ZC3H13: variants seen among roughly 807,000 people sequenced by gnomAD.
ZC3H13 encodes the protein zinc finger CCCH-type containing 13.
In ZC3H13, 64 loss-of-function variants were observed where a neutral mutation model predicts 204.1. The observed-to-expected ratio is 0.31, with a 90% CI of 0.26 to 0.39. ZC3H13 has a LOEUF of 0.39. Ranked by LOEUF, ZC3H13 falls within the 10% of genes least tolerant of loss-of-function variation. ZC3H13 has a pLI of 1.00. For synonymous variants in ZC3H13, 667 were observed against 693.7 expected (o/e 0.96, Z 0.60); for missense variants, 1,833 against 2,082.7 (o/e 0.88, Z 2.33).
chr13:46,036,641 C>A (rs1593785756), intron 4 of ZC3H13, among the ~76,000 whole-genome samples: 1 of 152,000 alleles, frequency 6.6e-6, no homozygotes, highest in South Asian at 2.1e-4. Flanking sequence ...ATTAAAATAA[C>A]AGGTAAAGAA....
At chr13:45,976,180 A>C (rs1953032471) in intron 11 of ZC3H13, 1 of 980,326 alleles carries the variant, frequency 1.0e-6, no homozygotes, top group African/African-American at 1.8e-5. Flanking sequence ...TCTACCCTTC[A>C]CCTCTGATCT....
intron 8 of ZC3H13, among the ~76,000 whole-genome samples, chr13:46,002,749 T>G (rs984420817): frequency 6.6e-6 from 1 of 152,076 alleles, no homozygotes; most frequent in Non-Finnish European, 1.5e-5. Context: ...AGGATGATAG[T>G]TAACAGGAGC....
chr13:46,048,458 G>A (rs992957365), intron 1 of ZC3H13, among the ~76,000 whole-genome samples: 5 of 151,898 alleles, frequency 3.3e-5, no homozygotes, highest in Admixed American at 3.3e-4. Flanking sequence ...GCAGGCGCCT[G>A]TAGTCCCAGC....
At chr13:46,017,974 G>C (rs1420792109) in intron 5 of ZC3H13, among the ~76,000 whole-genome samples, 1 of 151,940 alleles carries the variant, frequency 6.6e-6, no homozygotes, top group Non-Finnish European at 1.5e-5. Context: ...TATATAAAAG[G>C]CTCTTGAAAT....
Position 46,011,400 on chromosome 13 carries a change from C to A in ZC3H13, c.588+15G>T. ...CTATTAAGTACTAACATATTTATTG[C>A]AATAAATAGCATACCTCCTTTTTAA... On this transcript the variant is annotated intron_variant, in intron 6 of 18. Coordinates refer to ENST00000679008, the MANE Select transcript of ZC3H13 (RefSeq NM_001330564.2). 1 of 1,592,962 alleles carries A rather than the reference C, an allele frequency of 6.3e-7. No homozygotes were observed. The highest frequency in any genetic ancestry group is 8.5e-7 in the Non-Finnish European group (1 of 1,172,268).
At chr13:45,997,311 A>G (rs754416396) in intron 8 of ZC3H13, among the ~76,000 whole-genome samples, 3 of 152,244 alleles carry the variant, frequency 2.0e-5, no homozygotes, top group African/African-American at 4.8e-5. Flanking sequence ...TGATATGCCA[A>G]TGACAGTTTG....
intron 8 of ZC3H13, among the ~76,000 whole-genome samples, chr13:46,002,135 GACAAGC>G (rs1338067090): frequency 2.8e-4 from 42 of 152,088 alleles, no homozygotes; most frequent in Non-Finnish European, 8.8e-5. Context: ...ACAAATGGCC[GACAAGC>G]ACATGAAAGG....
chr13:46,011,586 C>T, intron 5 of ZC3H13, 32 bp from the exon 6 acceptor site: 2 of 1,508,390 alleles, frequency 1.3e-6, no homozygotes, highest in South Asian at 2.6e-5. Flanking sequence ...CTGTTAGAAA[C>T]TAGCATAATT....
At chr13:45,970,771 TA>T (rs1952519053) in intron 12 of ZC3H13, among the ~76,000 whole-genome samples, 1 of 152,152 alleles carries the variant, frequency 6.6e-6, no homozygotes, top group Non-Finnish European at 1.5e-5. Context: ...CAGAAACCAA[TA>T]TATTAATGTA....
At chr13:45,983,588 G>A (rs922360276) in intron 10 of ZC3H13, among the ~76,000 whole-genome samples, 27 of 148,612 alleles carry the variant, frequency 1.8e-4, no homozygotes, top group South Asian at 2.1e-4. Context: ...CACCACGCCC[G>A]GCTAATTTTT....
intron 4 of ZC3H13, among the ~76,000 whole-genome samples, chr13:46,024,314 T>C (rs756049912): frequency 1.3e-5 from 2 of 152,250 alleles, no homozygotes; most frequent in Non-Finnish European, 2.9e-5. Flanking sequence ...AAGGTCTTTT[T>C]CCATCTTCCT....
intron 5 of ZC3H13, among the ~76,000 whole-genome samples, chr13:46,014,775 C>T (rs1340527075): frequency 1.3e-5 from 2 of 152,198 alleles, no homozygotes; most frequent in Admixed American, 6.5e-5. Context: ...GATAACACTG[C>T]TAACAGTTTA....
In ZC3H13 at chr13:45,985,628, A is replaced by G; in HGVS notation, c.1389T>C (p.Asp463=). 6.2e-7 allele frequency: 1 copy of G among 1,612,992 alleles called. No homozygotes were observed. Among genetic ancestry groups the G allele is most frequent in the Non-Finnish European group, 8.5e-7 (1 of 1,179,788 alleles). ...CTCTTAGTTCCCTTCGGTCCCTAGT[A>G]TCTCTGGCATCTCTCCGATCCCGAC... ...RDGRDRRDAR[D]TRDRRELRDS... is the part of the protein sequence containing the mutation. Residue 463 remains aspartate (D), a synonymous_variant, in exon 10 of 19, where the codon GAT becomes GAC. Coordinates refer to ENST00000679008, the MANE Select transcript of ZC3H13 (RefSeq NM_001330564.2).
chr13:46,017,101 C>T (rs2138755406), intron 5 of ZC3H13, among the ~76,000 whole-genome samples: 1 of 152,126 alleles, frequency 6.6e-6, no homozygotes, highest in East Asian at 1.9e-4. Context: ...TTTGGAGTCA[C>T]TACACGTACG....
In ZC3H13 at chr13:46,010,341, T is replaced by C; in HGVS notation, c.746+7A>G. 6.2e-7 allele frequency: 1 copy of C among 1,605,072 alleles called. No homozygotes were observed. Among genetic ancestry groups the C allele is most frequent in the Non-Finnish European group, 8.5e-7 (1 of 1,173,218 alleles). ...ATTTTCTCGATACTATTTATCACCC[T>C]ACTGACCTCTGCTGGTCCAACAGGG... is the stretch of plus-strand genomic sequence containing the variant. On this transcript the variant is annotated splice_region_variant and intron_variant, in intron 7 of 18. Transcript: ENST00000679008.
rs2041469488 is a variant in ZC3H13, at chr13:46,010,433, G to C, written c.661C>G (p.Arg221Gly). 2 of 1,613,434 alleles carry C rather than the reference G, an allele frequency of 1.2e-6. No individual in the cohort carries two copies. The highest frequency in any genetic ancestry group is 1.7e-6 in the Non-Finnish European group (2 of 1,179,684). The change falls in exon 7 of 19, where the codon CGA becomes GGA. Residue 221 changes from arginine (R) to glycine (G), a missense_variant. By Grantham distance (125) the Arg-to-Gly change is moderately radical. This residue lies in a region of ZC3H13 where 1,574 missense variants were observed against 1,757.2 expected (regional missense o/e 0.90). Transcript: ENST00000679008. The part of the protein sequence containing the change: ...SLRKSSKSPK[R>G]KSSPKSSSAS... ...GAAGACGACTTCGGGCTTGATTTTCGCTTCGGAGATTTGCTAGACTTTCTT... is the reference window on the plus strand; with the variant it reads ...GAAGACGACTTCGGGCTTGATTTTCCCTTCGGAGATTTGCTAGACTTTCTT...
At chr13:46,003,375 T>C in intron 7 of ZC3H13, 39 bp from the exon 8 acceptor site, 2 of 1,561,584 alleles carry the variant, frequency 1.3e-6, no homozygotes, top group Non-Finnish European at 1.7e-6. Context: ...GGTTCAAATA[T>C]GCCAAAAGGA....
intron 5 of ZC3H13, among the ~76,000 whole-genome samples, chr13:46,017,865 C>T (rs2042004792): frequency 6.6e-6 from 1 of 152,058 alleles, no homozygotes; most frequent in South Asian, 2.1e-4. Flanking sequence ...TTTCAAATCA[C>T]AGAGATACAC....
At chr13:45,958,912 C>A (rs1951479271) in intron 18 of ZC3H13, among the ~76,000 whole-genome samples, 1 of 152,066 alleles carries the variant, frequency 6.6e-6, no homozygotes, top group South Asian at 2.1e-4. Flanking sequence ...CCTTGGCCTC[C>A]CAAAGTGCTG....
Sources: gnomAD v4.1 joint callset for allele counts (sites outside exome capture counted in the v4.1 genomes callset) on GRCh38, gnomAD v4.1.1 for gene constraint, gnomAD v4.1.1 regional missense constraint, MANE v1.5 for transcripts, NCBI Gene and HGNC (gene_info 2026-07-23, HGNC 2026-07-21) for gene names.